Variants in ARHGAP24 observed in about 807,000 individuals in gnomAD.
ARHGAP24 encodes rho GTPase-activating protein 24.
A neutral mutation model predicts 76.4 loss-of-function variants in ARHGAP24; 50 were observed. The ratio of observed to expected loss-of-function variants is 0.65; its 90% CI spans 0.52 to 0.83. ARHGAP24 has a LOEUF of 0.83. Ranked by LOEUF, ARHGAP24 falls within the 40% of genes least tolerant of loss-of-function variation. The pLI is 0.00. For synonymous variants in ARHGAP24, 345 were observed against 323.3 expected (o/e 1.07, Z -0.72); for missense variants, 930 against 914.2 (o/e 1.02, Z -0.22).
chr4:85,815,770 C>T (rs552136513), intron 3 of ARHGAP24, among the ~76,000 whole-genome samples: 1 of 152,322 alleles, frequency 6.6e-6, no homozygotes, highest in African/African-American at 2.4e-5. Flanking sequence ...GGTATCTTTT[C>T]AGCCACACCC....
chr4:85,797,257 C>G (rs1463559962), intron 3 of ARHGAP24, among the ~76,000 whole-genome samples: 2 of 152,016 alleles, frequency 1.3e-5, no homozygotes, highest in Non-Finnish European at 2.9e-5. Context: ...ACTGCAAGCT[C>G]CGCCTCCCGG....
At chr4:85,887,990 G>A (rs1190807981) in intron 3 of ARHGAP24, among the ~76,000 whole-genome samples, 1 of 152,046 alleles carries the variant, frequency 6.6e-6, no homozygotes, top group African/African-American at 2.4e-5. Flanking sequence ...ATAAATCAAT[G>A]TTTTCCCTGG....
intron 8 of ARHGAP24, 38 bp from the exon 9 acceptor site, chr4:85,994,545 G>C: frequency 6.3e-7 from 1 of 1,580,038 alleles, no homozygotes. Flanking sequence ...AATAAAAACT[G>C]TCTCACTCAT....
chr4:85,658,531 G>C (rs1722263271), intron 2 of ARHGAP24, among the ~76,000 whole-genome samples: 1 of 152,090 alleles, frequency 6.6e-6, no homozygotes, highest in South Asian at 2.1e-4. Context: ...TCTGACTGTA[G>C]GATCAAGTAC....
chr4:85,931,323 A>G (rs1736320144), intron 4 of ARHGAP24, among the ~76,000 whole-genome samples: 2 of 152,072 alleles, frequency 1.3e-5, no homozygotes, highest in Admixed American at 1.3e-4. Flanking sequence ...AGCTGGGCTG[A>G]CCGTCCTCAG....
At chr4:85,969,097 G>A (rs940232360) in intron 5 of ARHGAP24, among the ~76,000 whole-genome samples, 1 of 151,984 alleles carries the variant, frequency 6.6e-6, no homozygotes, top group African/African-American at 2.4e-5. Flanking sequence ...GAAAATTGCT[G>A]GTAGAGGAAG....
intron 3 of ARHGAP24, among the ~76,000 whole-genome samples, chr4:85,774,702 T>G (rs1321381277): frequency 6.6e-6 from 1 of 152,206 alleles, no homozygotes; most frequent in African/African-American, 2.4e-5. Flanking sequence ...TAGATACAAC[T>G]ACTTAGGGCC....
At chr4:85,839,559 T>G (rs1178104390) in intron 3 of ARHGAP24, among the ~76,000 whole-genome samples, 2 of 152,200 alleles carry the variant, frequency 1.3e-5, no homozygotes, top group East Asian at 3.9e-4. Context: ...CAAGCGATTC[T>G]CCTGCCTCAG....
At chr4:85,721,816 T>G in intron 2 of ARHGAP24, 69 bp from the exon 3 acceptor site, 1 of 1,343,552 alleles carries the variant, frequency 7.4e-7, no homozygotes, top group Non-Finnish European at 1.1e-6. Context: ...GGATATTCAC[T>G]GATTATAATG....
intron 8 of ARHGAP24, among the ~76,000 whole-genome samples, chr4:85,979,741 G>C (rs1739544186): frequency 6.6e-6 from 1 of 152,134 alleles, no homozygotes; most frequent in South Asian, 2.1e-4. Flanking sequence ...AATGCTGCTT[G>C]AATCTTTCCC....
At chr4:85,869,219 G>T (rs1426084222) in intron 3 of ARHGAP24, among the ~76,000 whole-genome samples, 2 of 152,138 alleles carry the variant, frequency 1.3e-5, no homozygotes, top group East Asian at 3.8e-4. Context: ...CGCAGATGTA[G>T]ATTAACAGTG....
chr4:85,625,302 A>G (rs921169994), intron 2 of ARHGAP24, among the ~76,000 whole-genome samples: 2 of 151,992 alleles, frequency 1.3e-5, no homozygotes, highest in African/African-American at 4.8e-5. Flanking sequence ...AAAGAACATC[A>G]TTATTTCTGC....
chr4:85,876,415 T>C (rs1732940601), intron 3 of ARHGAP24, among the ~76,000 whole-genome samples: 1 of 152,146 alleles, frequency 6.6e-6, no homozygotes, highest in Admixed American at 6.5e-5. Context: ...AATTGAATGC[T>C]ATAACCCGTT....
chr4:85,664,174 T>C (rs991968457), intron 2 of ARHGAP24, among the ~76,000 whole-genome samples: 10 of 151,612 alleles, frequency 6.6e-5, no homozygotes, highest in Non-Finnish European at 1.3e-4. Flanking sequence ...TATTGATTAT[T>C]GCCACAATTT....
chr4:85,639,883 C>G (rs1366009700), intron 2 of ARHGAP24, among the ~76,000 whole-genome samples: 1 of 152,030 alleles, frequency 6.6e-6, no homozygotes, highest in African/African-American at 2.4e-5. Flanking sequence ...TTGTTCAGTC[C>G]TTTAATAAAT....
At chr4:85,743,794 TA>T (rs3832290) in intron 3 of ARHGAP24, among the ~76,000 whole-genome samples, 25,012 of 152,126 alleles carry the variant, frequency 0.16, 2,520 homozygotes, top group East Asian at 0.36. Context: ...AAAACTTAAG[TA>T]AAAATAATCT....
chr4:85,616,381 A>G lies in ARHGAP24; in HGVS notation c.180+45660A>G, dbSNP rs544465536. Among the ~76,000 whole-genome samples the G allele has an allele frequency of 1.2e-4, 18 of 152,340 alleles. No individual in the cohort carries two copies. In the East Asian group the frequency reaches 3.5e-3, roughly 29 times the overall value. On this transcript the variant is annotated intron_variant, in intron 2 of 9. Transcript: ENST00000395184. ...ATTTTTGCAATGTTTGACATTTGAA[A>G]GAAAACATTAATTTTAATAACTTAT...
chr4:85,963,251 TG>T (rs1738368585), intron 5 of ARHGAP24, among the ~76,000 whole-genome samples: 1 of 152,062 alleles, frequency 6.6e-6, no homozygotes, highest in Non-Finnish European at 1.5e-5. Context: ...TTTGTAAGTT[TG>T]GGAAATACTA....
intron 1 of ARHGAP24, among the ~76,000 whole-genome samples, chr4:85,558,862 A>G (rs1214079064): frequency 6.6e-6 from 1 of 152,234 alleles, no homozygotes; most frequent in African/African-American, 2.4e-5. Flanking sequence ...ACCCACTTGT[A>G]AAATATTTTC....
Sources: allele counts gnomAD v4.1 joint callset (sites outside exome capture counted in the v4.1 genomes callset), GRCh38; gene constraint gnomAD v4.1.1; transcripts MANE v1.5; gene names NCBI Gene and HGNC (gene_info 2026-07-23, HGNC 2026-07-21).